The following HAUS7 variants were observed in gnomAD, a reference collection of about 807,000 sequenced individuals.
The protein encoded by HAUS7 is HAUS augmin like complex subunit 7, also known as HAUS augmin-like complex subunit 7.
HAUS7 carries 3 observed loss-of-function variants against 28.4 expected under a neutral mutation model. The observed-to-expected ratio is 0.11, with a 90% CI of 0.05 to 0.27. The LOEUF (loss-of-function observed/expected upper bound fraction) is 0.27. HAUS7 is among the 10% of genes least tolerant of loss of function. The pLI, the probability that HAUS7 is intolerant of heterozygous loss-of-function variation, is 1.00. For missense variants in HAUS7, 284 were observed against 297.3 expected (o/e 0.96, Z 0.33); for synonymous variants, 165 against 132.1 (o/e 1.25, Z -1.71).
At chrX:153,447,930 A>T (rs374999377) in intron 9 of HAUS7, 21 bp from the exon 10 acceptor site, 2 of 1,171,908 alleles carry the variant, frequency 1.7e-6, no homozygotes, top group African/African-American at 3.5e-5. Context: ...AAGAAAAGAA[A>T]CCAAAAGGAT....
chrX:153,470,326 G>C, intron 1 of HAUS7, 124 bp downstream of exon 1: 1 of 647,341 alleles, frequency 1.5e-6, no homozygotes, highest in South Asian at 2.7e-5. Flanking sequence ...AGGGAACAGG[G>C]CGCAGCCGGA....
upstream of HAUS7, among the ~76,000 whole-genome samples, chrX:153,474,610 C>T (rs1556985895): frequency 2.7e-5 from 3 of 110,712 alleles, 1 homozygote. Context: ...GCCCCGGGCC[C>T]CAAAAATGGG....
intron 1 of HAUS7, among the ~76,000 whole-genome samples, chrX:153,488,320 G>A (rs1222163005): frequency 4.4e-5 from 5 of 113,134 alleles, no homozygotes; most frequent in African/African-American, 1.6e-4. Flanking sequence ...TCTGCCTCCG[G>A]GCTGCTGGAT....
intron 4 of HAUS7, among the ~76,000 whole-genome samples, chrX:153,458,713 T>C (rs782656199): frequency 2.7e-5 from 3 of 111,927 alleles, no homozygotes; most frequent in East Asian, 5.6e-4. Flanking sequence ...CCTACAGCAA[T>C]GCAGAAGGGT....
chrX:153,486,713 T>C (rs1316660443), intron 1 of HAUS7: 9 of 982,703 alleles, frequency 9.2e-6, no homozygotes, highest in Non-Finnish European at 1.2e-5. Context: ...AACAACCTCA[T>C]TGACCGGCGC....
chrX:153,457,166 G>A lies in HAUS7; in HGVS notation c.417C>T (p.Ser139=). 1 of 1,202,154 alleles carries A rather than the reference G, an allele frequency of 8.3e-7. No homozygotes were observed. Among genetic ancestry groups the A allele is most frequent in the Non-Finnish European group, 1.1e-6 (1 of 886,360 alleles). ...FMDQLLDTIR[S]LTIGCSSCSS... ...AGCAACTGGAGCACCCAATGGTCAG[G>A]CTCCGGATGGTATCGAGCAACTGGT... The change falls in exon 5 of 10, where the codon AGC becomes AGT. Residue 139 remains serine, a synonymous_variant. Coordinates refer to ENST00000370211, the MANE Select transcript of HAUS7 (RefSeq NM_001385482.1).
At position 153,462,648 on chromosome X, in the gene HAUS7, G is replaced by C; in HGVS notation, c.316C>G (p.Leu106Val). The C allele has an allele frequency of 8.3e-7, 1 of 1,207,668 alleles. No homozygotes were observed. Among genetic ancestry groups the C allele is most frequent in the Non-Finnish European group, 1.1e-6 (1 of 891,262 alleles). Reference sequence around the variant, plus strand: ...TGGTCATCTGGCGCACACAGCATCAGCTCGTGGCCCAGCTTCGTCATTTCT... The same window carrying C: ...TGGTCATCTGGCGCACACAGCATCACCTCGTGGCCCAGCTTCGTCATTTCT... ...IQEMTKLGHE[L>V]MLCAPDDQEL... Residue 106 changes from leucine (L) to valine (V), a missense_variant, in exon 4 of 10, where the codon CTG (leucine) becomes GTG (valine). Transcript: ENST00000370211.
At chrX:153,470,912 G>A (rs1242730162), upstream of HAUS7, 2 of 346,103 alleles carry the variant, frequency 5.8e-6, no homozygotes, top group Non-Finnish European at 5.5e-6. Flanking sequence ...CTGGCTCTGA[G>A]TCGCAGGCCT....
rs1556983613 is a variant in HAUS7, at chrX:153,462,632, G to T, written c.332C>A (p.Pro111Gln). Residue 111 changes from proline (P) to glutamine (Q), a missense_variant, in exon 4 of 10, where the codon CCA becomes CAA. Physicochemically the swap from Pro to Gln is moderately conservative, Grantham distance 76. Transcript: ENST00000370211. ...KLGHELMLCA[P>Q]DDQELLKGCA... ...TACCTTGAGGAGCTCCTGGTCATCT[G>T]GCGCACACAGCATCAGCTCGTGGCC... 8.3e-7 allele frequency: 1 copy of T among 1,206,719 alleles called. No individual in the cohort carries two copies.
upstream of HAUS7, among the ~76,000 whole-genome samples, chrX:153,472,560 A>C (rs1303643879): frequency 9.2e-6 from 1 of 108,701 alleles, no homozygotes; most frequent in Non-Finnish European, 1.9e-5. Context: ...GGAAGGGGGA[A>C]AGAAGGGGCC....
At chrX:153,491,791 G>C (rs1308310700) in intron 1 of HAUS7, among the ~76,000 whole-genome samples, 2 of 113,242 alleles carry the variant, frequency 1.8e-5, no homozygotes, top group Non-Finnish European at 3.8e-5. Context: ...AGCTGAGGGG[G>C]TTGGGCTCCT....
intron 1 of HAUS7, among the ~76,000 whole-genome samples, chrX:153,475,939 T>C (rs1556986192): frequency 8.9e-6 from 1 of 112,238 alleles, no homozygotes; most frequent in Non-Finnish European, 1.9e-5. Context: ...CCAGCCACTA[T>C]CACCTGGCCC....
At chrX:153,490,828 G>C (rs735889) in intron 1 of HAUS7, among the ~76,000 whole-genome samples, 2,962 of 112,467 alleles carry the variant, frequency 0.026, 101 homozygotes, top group African/African-American at 0.09. Context: ...TCCTCCTCTA[G>C]AAGCTCTCCC....
chrX:153,447,888 A>G lies in HAUS7; in HGVS notation c.1067T>C (p.Met356Thr), dbSNP rs2089182615. ...ATCACTGAAGACTTTCTATTTCTCCATTAGTTCATTCATCTTGGTAGCTGC... is the reference window on the plus strand; with the variant it reads ...ATCACTGAAGACTTTCTATTTCTCCGTTAGTTCATTCATCTTGGTAGCTGC... ...MSLATKMNEL[M>T]EK Residue 356 changes from methionine to threonine, a missense_variant, in exon 10 of 10, where the codon ATG (methionine) becomes ACG (threonine). By Grantham distance (81) the Met-to-Thr change is moderately conservative. Coordinates refer to ENST00000370211, the MANE Select transcript of HAUS7 (RefSeq NM_001385482.1). 5.0e-6 allele frequency: 6 copies of G among 1,202,159 alleles called. No individual in the cohort carries two copies. The highest frequency in any genetic ancestry group is 6.8e-6 in the Non-Finnish European group (6 of 886,553).
At chrX:153,461,452 C>A (rs1324595990) in intron 4 of HAUS7, 1 of 109,537 alleles carries the variant, frequency 9.1e-6, no homozygotes, top group Admixed American at 9.8e-5. Context: ...GTACTTTCTG[C>A]TCAATTTTGC....
In HAUS7 at chrX:153,449,000, C is replaced by T. The variant is rs1161501608; in HGVS notation, c.1046-1091G>A. Among the ~76,000 whole-genome samples the T allele has an allele frequency of 2.7e-5, 3 of 112,268 alleles. No homozygotes were observed. The Admixed American group carries it at 2.8e-4, about 11-fold the overall frequency. ...CACACAATAAACCCAATCACACAGACAGCCCTAAGCCTTGGCTGCCCGGCC... is the reference window on the plus strand; with the variant it reads ...CACACAATAAACCCAATCACACAGATAGCCCTAAGCCTTGGCTGCCCGGCC... On this transcript the variant is annotated intron_variant, in intron 9 of 9. Transcript: ENST00000370211.
chrX:153,462,465 C>T (rs1290121512), intron 4 of HAUS7, 145 bp downstream of exon 4: 3 of 531,639 alleles, frequency 5.6e-6, no homozygotes, highest in Admixed American at 6.3e-5. Flanking sequence ...GCAGCCTGCC[C>T]GGGCACCCAG....
intron 1 of HAUS7, among the ~76,000 whole-genome samples, chrX:153,490,181 C>T (rs2089662921): frequency 8.9e-6 from 1 of 112,638 alleles, no homozygotes; most frequent in Non-Finnish European, 1.9e-5. Flanking sequence ...TCCCGGACTT[C>T]GGCTTCCAAG....
At chrX:153,494,447 C>T in intron 1 of HAUS7, among the ~76,000 whole-genome samples, 1 of 112,267 alleles carries the variant, frequency 8.9e-6, no homozygotes, top group East Asian at 2.8e-4. Context: ...ACATGAAGTC[C>T]TTCCAGAAAT....
Sources: allele counts gnomAD v4.1 joint callset (sites outside exome capture counted in the v4.1 genomes callset), GRCh38; gene constraint gnomAD v4.1.1; transcripts MANE v1.5; gene names NCBI Gene and HGNC (gene_info 2026-07-23, HGNC 2026-07-21).